The following ANKFN1 variants were observed in gnomAD, a reference collection of about 807,000 sequenced individuals.
ANKFN1 encodes the protein ankyrin repeat and fibronectin type III domain containing 1.
Under a neutral mutation model 108.7 loss-of-function variants are expected in ANKFN1, and 74 were observed. The observed-to-expected ratio is 0.68, with a 90% confidence interval of 0.56 to 0.83. The LOEUF (loss-of-function observed/expected upper bound fraction) is 0.83. Ranked by LOEUF, ANKFN1 falls within the 40% of genes least tolerant of loss-of-function variation. The pLI is 0.00. For synonymous variants in ANKFN1, 547 were observed against 516.2 expected, an observed-to-expected ratio of 1.06 and a Z score of -0.81; for missense variants, 1,505 against 1,382.3, an observed-to-expected ratio of 1.09 and a Z score of -1.41.
At chr17:56,092,312 C>G (rs1168534377) in intron 4 of ANKFN1, among the ~76,000 whole-genome samples, 1 of 144,424 alleles carries the variant, frequency 6.9e-6, no homozygotes, top group Non-Finnish European at 1.5e-5. Flanking sequence ...CTCTGTCACC[C>G]AGGCTGGAGT....
chr17:56,103,233 G>T (rs1029039591), intron 4 of ANKFN1, among the ~76,000 whole-genome samples: 23 of 152,084 alleles, frequency 1.5e-4, no homozygotes, highest in South Asian at 2.1e-4. Context: ...TATGTATCCT[G>T]CCTAGAATTG....
chr17:56,445,403 A>C (rs1295861838), intron 10 of ANKFN1, among the ~76,000 whole-genome samples: 1 of 152,240 alleles, frequency 6.6e-6, no homozygotes, highest in Non-Finnish European at 1.5e-5. Context: ...AATGACCAGA[A>C]TAGTTAGTTG....
At chr17:56,495,313 G>GTCTC (rs150627971) in intron 19 of ANKFN1, among the ~76,000 whole-genome samples, 74,385 of 147,432 alleles carry the variant, frequency 0.5, 22,164 homozygotes, top group East Asian at 0.84. Context: ...TGACTTTGTG[G>GTCTC]TCTCTCTCTC....
At chr17:56,239,136 G>C (rs2143984191) in intron 3 of ANKFN1, among the ~76,000 whole-genome samples, 1 of 152,202 alleles carries the variant, frequency 6.6e-6, no homozygotes, top group East Asian at 1.9e-4. Context: ...AGAATCACAA[G>C]TTAAAGAGAA....
intron 9 of ANKFN1, among the ~76,000 whole-genome samples, chr17:56,441,654 T>C (rs1187245349): frequency 6.6e-6 from 1 of 152,120 alleles, no homozygotes; most frequent in Non-Finnish European, 1.5e-5. Context: ...AATGGAAAAC[T>C]CTCCATAAAG....
rs1870719667 is a variant in ANKFN1 at position 56,482,382 on chromosome 17, G to T, written c.2118G>T (p.Gln706His). ...CAAGGAACTTCCGCCTCTACACACA[G>T]GAGGTGTTGGAAATGGGTCACAATG... The part of the protein sequence containing the change: ...HQARNFRLYT[Q>H]EVLEMGHNVS... Residue 706 changes from glutamine (Q) to histidine (H), a missense_variant, in exon 18 of 21, where the codon CAG becomes CAT. By Grantham distance (24) the Gln-to-His change is conservative. Coordinates refer to ENST00000682825, the MANE Select transcript of ANKFN1 (RefSeq NM_001370326.1). The T allele has an allele frequency of 6.2e-7, 1 of 1,610,850 alleles. No homozygotes were observed. Among genetic ancestry groups the T allele is most frequent in the Non-Finnish European group, 8.5e-7 (1 of 1,178,440 alleles).
chr17:56,402,855 C>T (rs2047803613), intron 8 of ANKFN1, among the ~76,000 whole-genome samples: 7 of 152,056 alleles, frequency 4.6e-5, no homozygotes. Context: ...TATGAACTTT[C>T]CTCTTAGCAC....
In ANKFN1 at chr17:56,368,154, G is replaced by T; in HGVS notation, c.602-4492G>T. ...TCACTATAAATATTCTGACACCACTGACTGATCCAGAGAATGAACCTTTTG... is the reference window on the plus strand; with the variant it reads ...TCACTATAAATATTCTGACACCACTTACTGATCCAGAGAATGAACCTTTTG... On this transcript the variant is annotated intron_variant, in intron 6 of 20. Transcript: ENST00000682825. 3.0e-6 allele frequency: 4 copies of T among 1,350,306 alleles called. No homozygotes were observed. In the South Asian group the frequency reaches 6.3e-5, roughly 21 times the overall value. 83.6% of individuals were successfully genotyped at this position (1,350,306 alleles called of 1,614,324 possible).
chr17:56,106,617 A>G (rs926975482), intron 4 of ANKFN1, among the ~76,000 whole-genome samples: 4 of 152,218 alleles, frequency 2.6e-5, no homozygotes, highest in Admixed American at 1.3e-4. Context: ...CTGATCCCAG[A>G]ACTGTCATAA....
chr17:56,201,698 A>G (rs1055110108), intron 1 of ANKFN1, among the ~76,000 whole-genome samples: 2 of 152,060 alleles, frequency 1.3e-5, no homozygotes, highest in South Asian at 2.1e-4. Flanking sequence ...GCTATTCAGT[A>G]TATCTAATTC....
At chr17:56,256,493 AG>A (rs1440812960) in intron 3 of ANKFN1, among the ~76,000 whole-genome samples, 1 of 152,206 alleles carries the variant, frequency 6.6e-6, no homozygotes, top group Non-Finnish European at 1.5e-5. Context: ...CAGAAGAAGA[AG>A]AGTCTCACAT....
intron 3 of ANKFN1, among the ~76,000 whole-genome samples, chr17:56,262,231 A>T (rs1598320779): frequency 6.6e-6 from 1 of 152,216 alleles, no homozygotes; most frequent in Admixed American, 6.5e-5. Flanking sequence ...CTGATGCCTC[A>T]GGGCAGTCAC....
chr17:56,398,791 G>A (rs2047664861), intron 8 of ANKFN1, among the ~76,000 whole-genome samples: 1 of 152,156 alleles, frequency 6.6e-6, no homozygotes, highest in African/African-American at 2.4e-5. Flanking sequence ...CTTCTGATAA[G>A]GAGAGTATTA....
chr17:56,402,595 C>G (rs2047794935), intron 8 of ANKFN1, among the ~76,000 whole-genome samples: 1 of 151,996 alleles, frequency 6.6e-6, no homozygotes, highest in Non-Finnish European at 1.5e-5. Flanking sequence ...CTTGGTTAAT[C>G]TTGCTAATAG....
chr17:56,506,111 G>A (rs968296980), intron 20 of ANKFN1, among the ~76,000 whole-genome samples: 3 of 151,996 alleles, frequency 2.0e-5, no homozygotes, highest in Non-Finnish European at 4.4e-5. Context: ...TGTGCACGAC[G>A]TGCAAGTTTG....
chr17:56,467,815 A>AAAAAGAAAG (rs2050168103), intron 15 of ANKFN1, among the ~76,000 whole-genome samples: 8 of 41,182 alleles, frequency 1.9e-4, no homozygotes, highest in African/African-American at 1.2e-3. Context: ...AGAAAGAAAG[A>AAAAAGAAAG]AAGAAAGAAA....
chr17:56,323,525 T>C (rs1408623914), intron 3 of ANKFN1: 1 of 152,522 alleles, frequency 6.6e-6, no homozygotes, highest in Non-Finnish European at 1.5e-5. Flanking sequence ...GTAAAAGTGC[T>C]AGGAAGTGGG....
chr17:56,403,644 A>G (rs557630541), intron 8 of ANKFN1, among the ~76,000 whole-genome samples: 4 of 152,304 alleles, frequency 2.6e-5, no homozygotes, highest in African/African-American at 7.2e-5. Context: ...GGCCATTTAC[A>G]TTCAATGTTA....
intron 8 of ANKFN1, among the ~76,000 whole-genome samples, chr17:56,413,379 T>G (rs753344335): frequency 4.6e-5 from 7 of 152,166 alleles, no homozygotes; most frequent in African/African-American, 7.2e-5. Context: ...AAAGGGACAG[T>G]TTGACTTCCT....
Sources: gnomAD v4.1 joint callset for allele counts (sites outside exome capture counted in the v4.1 genomes callset) on GRCh38, gnomAD v4.1.1 for gene constraint, MANE v1.5 for transcripts, NCBI Gene and HGNC (gene_info 2026-07-23, HGNC 2026-07-21) for gene names.